The following MYO18B variants were observed in gnomAD, a reference collection of about 807,000 sequenced individuals.
MYO18B encodes the protein myosin XVIIIB, also known as unconventional myosin-XVIIIb.
Under a neutral mutation model 273.0 loss-of-function variants are expected in MYO18B, and 204 were observed. The observed-to-expected ratio is 0.75, with a 90% CI of 0.67 to 0.84. The LOEUF is 0.84. Among genes scored for constraint, MYO18B ranks in the 40% least tolerant of loss-of-function variants. MYO18B has a pLI of 0.00. For synonymous variants in MYO18B, 1,330 were observed against 1,305.7 expected, an observed-to-expected ratio of 1.02 and a Z score of -0.40; for missense variants, 3,212 against 3,287.6, an observed-to-expected ratio of 0.98 and a Z score of 0.56.
At chr22:26,013,552 A>G (rs1473310215) in intron 42 of MYO18B, among the ~76,000 whole-genome samples, 2 of 152,234 alleles carry the variant, frequency 1.3e-5, no homozygotes, top group Non-Finnish European at 2.9e-5. Flanking sequence ...TGTCGGGCGT[A>G]TACTCAGCAG....
intron 20 of MYO18B, among the ~76,000 whole-genome samples, chr22:25,850,717 A>C (rs1027831817): frequency 1.2e-4 from 18 of 152,120 alleles, no homozygotes; most frequent in African/African-American, 4.1e-4. Flanking sequence ...GACTACAGGA[A>C]CGCACCACCA....
In MYO18B at chr22:25,823,577, A is replaced by G. The variant is rs771826114; in HGVS notation, c.2594A>G (p.Glu865Gly). The change falls in exon 13 of 44, where the codon GAG (glutamate) becomes GGG (glycine). Residue 865 changes from glutamate to glycine, a missense_variant. Transcript: ENST00000335473. ...GAGGCCCTGGGCTGCGAGTATGAGG[A>G]GCTGAACACGGCCACCTTCAAGCAC... ...AAEALGCEYE[E>G]LNTATFKHHL... is the part of the protein sequence containing the mutation. 2 of 1,613,920 alleles carry G rather than the reference A, an allele frequency of 1.2e-6. No homozygotes were observed. Among genetic ancestry groups the G allele is most frequent in the East Asian group, 4.5e-5 (2 of 44,868 alleles).
intron 27 of MYO18B, among the ~76,000 whole-genome samples, chr22:25,894,147 C>T (rs1423693115): frequency 1.3e-5 from 2 of 152,222 alleles, no homozygotes; most frequent in Non-Finnish European, 2.9e-5. Flanking sequence ...TTTTGGTTCT[C>T]TTCTGGATTT....
intron 8 of MYO18B, among the ~76,000 whole-genome samples, chr22:25,779,542 T>C (rs764237565): frequency 2.0e-5 from 3 of 152,160 alleles, no homozygotes; most frequent in Non-Finnish European, 4.4e-5. Flanking sequence ...TCTCACAATG[T>C]AGTTGTGCTG....
intron 39 of MYO18B, among the ~76,000 whole-genome samples, chr22:25,978,221 G>A (rs1017213177): frequency 6.6e-6 from 1 of 152,166 alleles, no homozygotes; most frequent in African/African-American, 2.4e-5. Context: ...AGAAGGGAAA[G>A]AAACTAATTC....
the MYO18B span, among the ~76,000 whole-genome samples, chr22:26,045,634 A>G: frequency 1.3e-5 from 2 of 152,234 alleles, no homozygotes; most frequent in African/African-American, 4.8e-5. Flanking sequence ...CTGCACCCCA[A>G]CTGTGGGGCC....
chr22:25,775,894 A>G (rs1309031714), intron 7 of MYO18B, among the ~76,000 whole-genome samples: 1 of 151,992 alleles, frequency 6.6e-6, no homozygotes, highest in East Asian at 1.9e-4. Flanking sequence ...TAAAAAAAAA[A>G]AAAATCAGGC....
chr22:25,792,996 A>T (rs1429142722), intron 11 of MYO18B, among the ~76,000 whole-genome samples: 1 of 152,196 alleles, frequency 6.6e-6, no homozygotes, highest in African/African-American at 2.4e-5. Context: ...GGGCAGGGTC[A>T]TACCCGATTA....
chr22:25,938,607 C>A (rs1380898095), intron 34 of MYO18B, among the ~76,000 whole-genome samples: 2 of 152,174 alleles, frequency 1.3e-5, no homozygotes, highest in South Asian at 2.1e-4. Context: ...TTTTAAGTGG[C>A]CACGCAGTGC....
chr22:25,841,372 A>C (rs951948905), intron 17 of MYO18B, among the ~76,000 whole-genome samples: 3 of 152,246 alleles, frequency 2.0e-5, no homozygotes, highest in African/African-American at 7.2e-5. Flanking sequence ...AAATTGTGGA[A>C]TAAAAGTCAA....
intron 11 of MYO18B, among the ~76,000 whole-genome samples, chr22:25,792,060 C>A (rs770657073): frequency 6.6e-6 from 1 of 152,200 alleles, no homozygotes; most frequent in African/African-American, 2.4e-5. Flanking sequence ...GTCTGGTCCA[C>A]GTTCACTCTT....
intron 24 of MYO18B, 131 bp from the exon 25 acceptor site, chr22:25,877,828 C>G: frequency 1.5e-6 from 1 of 647,712 alleles, no homozygotes; most frequent in East Asian, 3.0e-5. Flanking sequence ...GTTATAGTCA[C>G]CATTCTGTGC....
chr22:25,824,910 T>TACAC (rs1341864146), intron 13 of MYO18B, among the ~76,000 whole-genome samples: 82 of 125,934 alleles, frequency 6.5e-4, no homozygotes, highest in African/African-American at 2.5e-3. Flanking sequence ...TGTGCACAGA[T>TACAC]ACCACGGAAT....
At chr22:25,764,318 A>G (rs1210286609) in intron 3 of MYO18B, among the ~76,000 whole-genome samples, 1 of 152,198 alleles carries the variant, frequency 6.6e-6, no homozygotes, top group Non-Finnish European at 1.5e-5. Context: ...GCAGGATGAC[A>G]AGGTGGACCA....
At chr22:26,010,140 C>G (rs141080540) in intron 42 of MYO18B, among the ~76,000 whole-genome samples, 1 of 152,120 alleles carries the variant, frequency 6.6e-6, no homozygotes, top group African/African-American at 2.4e-5. Flanking sequence ...GTCTTGTATT[C>G]TACCCCCCAC....
Position 25,864,740 on chromosome 22 carries a change from G to A in MYO18B, c.3886-3580G>A, listed in dbSNP as rs189352471. ...CTGCAGAAAGTTGGAAACAAAACAA[G>A]TTATGTGTAAAGCAGTTGGAGCAGG... On this transcript the variant is annotated intron_variant, in intron 21 of 43. Coordinates refer to ENST00000335473, the MANE Select transcript of MYO18B (RefSeq NM_032608.7). 3.7e-3 allele frequency among the ~76,000 whole-genome samples: 566 copies of A among 152,340 alleles called. 3 individuals carry two copies. The highest frequency in any genetic ancestry group is 0.029 in the South Asian group (142 of 4,828).
intron 17 of MYO18B, among the ~76,000 whole-genome samples, chr22:25,840,021 C>G (rs187964240): frequency 1.1e-3 from 170 of 152,308 alleles, no homozygotes; most frequent in South Asian, 3.3e-3. Flanking sequence ...CCTGCCCTGT[C>G]TGAAGCTGTC....
In MYO18B at chr22:25,772,419, A is replaced by G. The variant is rs770031146; in HGVS notation, c.1778A>G (p.Gln593Arg). 1.2e-6 allele frequency: 2 copies of G among 1,613,926 alleles called. No homozygotes were observed. Among genetic ancestry groups the G allele is most frequent in the African/African-American group, 2.7e-5 (2 of 74,942 alleles). The change falls in exon 7 of 44, where the codon CAG becomes CGG. Residue 593 changes from glutamine to arginine, a missense_variant. Gln to Arg is a conservative substitution (Grantham distance 43). Transcript: ENST00000335473. ...TCCAGTGTCCTGAACACGCTTCTGC[A>G]GCGCTACAAAGCTCAGCTGCTGCAC... ...NESSVLNTLL[Q>R]RYKAQLLHTC...
chr22:25,816,070 A>G (rs1302015603), intron 12 of MYO18B, among the ~76,000 whole-genome samples: 1 of 152,220 alleles, frequency 6.6e-6, no homozygotes, highest in Non-Finnish European at 1.5e-5. Flanking sequence ...GGGCAGCAGG[A>G]CCTGGAAGGA....
Sources: gnomAD v4.1 joint callset for allele counts (sites outside exome capture counted in the v4.1 genomes callset) on GRCh38, gnomAD v4.1.1 for gene constraint, MANE v1.5 for transcripts, NCBI Gene and HGNC (gene_info 2026-07-23, HGNC 2026-07-21) for gene names.